The following MPRIP variants were observed in gnomAD, a reference collection of about 807,000 sequenced individuals.
MPRIP encodes the protein myosin phosphatase Rho interacting protein.
A neutral mutation model predicts 234.9 loss-of-function variants in MPRIP; 59 were observed. The ratio of observed to expected loss-of-function variants is 0.25; its 90% CI spans 0.20 to 0.31. The LOEUF is 0.31. MPRIP is among the 10% of genes least tolerant of loss of function. The probability of loss-of-function intolerance (pLI) is 1.00; values close to 1 mark genes in which losing one functional copy is unlikely to be tolerated. For missense variants in MPRIP, 2,436 were observed against 3,071.0 expected (o/e 0.79, Z 4.89); for synonymous variants, 1,144 against 1,263.9 (o/e 0.91, Z 2.01).
intron 1 of MPRIP, among the ~76,000 whole-genome samples, chr17:17,051,382 G>A (rs1007859011): frequency 6.6e-6 from 1 of 152,082 alleles, no homozygotes; most frequent in African/African-American, 2.4e-5. Flanking sequence ...TAAGAAAACG[G>A]GCTCTTCTCT....
In MPRIP at chr17:17,136,247, CCAGCAGCAGCAGCAGCAG is replaced by C. The variant is rs3833098; in HGVS notation, c.551_568del (p.Ser184_Ser189del). On this transcript the variant is annotated inframe_deletion, in exon 6 of 24. Transcript: ENST00000651222. Reference sequence around the variant, plus strand: ...CCTGGGCCTGCCAAGGTGGCTGTTACCAGCAGCAGCAGCAGCAGCAGCAGCAGCAGCAGCATCCCCAGT... The same window carrying C: ...CCTGGGCCTGCCAAGGTGGCTGTTACCAGCAGCAGCAGCAGCATCCCCAGT... 6.6e-4 allele frequency: 1,030 copies of C among 1,555,910 alleles called. 1 individual carries two copies. Among genetic ancestry groups the C allele is most frequent in the Non-Finnish European group, 8.3e-4 (947 of 1,139,434 alleles).
Position 17,167,217 on chromosome 17 carries a change from T to G in MPRIP, c.5626T>G (p.Ser1876Ala), listed in dbSNP as rs1007043499. 24 of 1,303,990 alleles carry G rather than the reference T, an allele frequency of 1.8e-5. No individual in the cohort carries two copies. Among genetic ancestry groups the G allele is most frequent in the Non-Finnish European group, 2.4e-5 (24 of 988,936 alleles). The allele number at this position is 1,303,990 out of a possible 1,614,324, so 80.8% of individuals were successfully genotyped here. ...CKESWQTREP[S>A]CSEQAQAARA... is the part of the protein sequence containing the mutation. ...GGAGTCCTGGCAAACCCGGGAGCCC[T>G]CCTGCTCAGAGCAGGCACAGGCAGC... Residue 1876 changes from serine (S) to alanine (A), a missense_variant, in exon 16 of 24, where the codon TCC (serine) becomes GCC (alanine). Coordinates refer to ENST00000651222, the MANE Select transcript of MPRIP (RefSeq NM_001364716.4). The surrounding 1 kb of genome is among the most constrained non-coding windows in gnomAD (Gnocchi z 5.9).
At chr17:17,172,583 T>C in intron 17 of MPRIP, 115 bp from the exon 18 acceptor site, 1 of 741,110 alleles carries the variant, frequency 1.3e-6, no homozygotes. Context: ...GCTGATTGAC[T>C]AAGCAAGCAT....
chr17:17,100,773 A>G (rs1422770326), intron 3 of MPRIP, among the ~76,000 whole-genome samples: 1 of 152,094 alleles, frequency 6.6e-6, no homozygotes, highest in African/African-American at 2.4e-5. Flanking sequence ...TATGGTGAGT[A>G]TGTAATAATA....
chr17:17,139,149 C>T (rs1420615700), intron 7 of MPRIP, among the ~76,000 whole-genome samples: 1 of 152,232 alleles, frequency 6.6e-6, no homozygotes, highest in Admixed American at 6.5e-5. Context: ...AGGGCCCATG[C>T]CCTGCCCTGC....
intron 1 of MPRIP, among the ~76,000 whole-genome samples, chr17:17,050,253 T>A (rs2088492813): frequency 6.8e-6 from 1 of 146,508 alleles, no homozygotes; most frequent in South Asian, 2.2e-4. Flanking sequence ...AGGCGGAGCT[T>A]GCAGTGAGCT....
At chr17:17,108,389 G>T (rs1411458988) in intron 3 of MPRIP, among the ~76,000 whole-genome samples, 1 of 152,232 alleles carries the variant, frequency 6.6e-6, no homozygotes, top group Admixed American at 6.5e-5. Context: ...ATCAAATATA[G>T]ATCAAGGTCT....
chr17:17,174,611 C>T (rs749653891), intron 19 of MPRIP, among the ~76,000 whole-genome samples: 6 of 152,104 alleles, frequency 3.9e-5, no homozygotes, highest in African/African-American at 9.7e-5. Flanking sequence ...CCAAGACGGG[C>T]GGATCACAAG....
intron 1 of MPRIP, among the ~76,000 whole-genome samples, chr17:17,061,396 G>GT (rs2143929338): frequency 6.6e-6 from 1 of 152,376 alleles, no homozygotes; most frequent in South Asian, 2.1e-4. Flanking sequence ...CCTATTTGCT[G>GT]TGAGTGTGGA....
At chr17:17,055,485 G>T (rs993270153) in intron 1 of MPRIP, among the ~76,000 whole-genome samples, 1 of 152,106 alleles carries the variant, frequency 6.6e-6, no homozygotes, top group African/African-American at 2.4e-5. Flanking sequence ...CCCTCAGCTG[G>T]CAGGCAGGTC....
intron 1 of MPRIP, among the ~76,000 whole-genome samples, chr17:17,053,349 G>C (rs1314093091): frequency 2.0e-5 from 3 of 152,102 alleles, no homozygotes; most frequent in Admixed American, 2.0e-4. Flanking sequence ...AGTACCCATG[G>C]CTTTGGGTCC....
chr17:17,125,621 G>A (rs1336155489), intron 3 of MPRIP, among the ~76,000 whole-genome samples: 1 of 152,238 alleles, frequency 6.6e-6, no homozygotes, highest in Non-Finnish European at 1.5e-5. Context: ...AGGTCGGGGT[G>A]TGGAGAGTGG....
chr17:17,179,994 A>T lies in MPRIP; in HGVS notation c.7121-9A>T, dbSNP rs1236326831. ...TAACAGGTCTGTTTGTTTTCATTAT[A>T]TACCGCAGATATAATGAAATCTAAA... On this transcript the variant is annotated splice_polypyrimidine_tract_variant and intron_variant, in intron 22 of 23. Transcript: ENST00000651222. The T allele has an allele frequency of 1.3e-6, 2 of 1,590,688 alleles. No homozygotes were observed. The highest frequency in any genetic ancestry group is 4.5e-5 in the East Asian group (2 of 44,328).
chr17:17,076,012 G>T (rs1176391314), intron 2 of MPRIP: 2 of 494,766 alleles, frequency 4.0e-6, no homozygotes, highest in Non-Finnish European at 7.1e-6. Context: ...TCTCATGTGG[G>T]TGTTGCCTGT....
intron 1 of MPRIP, among the ~76,000 whole-genome samples, chr17:17,070,541 C>T (rs1183713486): frequency 6.6e-6 from 1 of 152,170 alleles, no homozygotes; most frequent in Non-Finnish European, 1.5e-5. Context: ...TCCTTCTGCT[C>T]TTAAGCCCAC....
In MPRIP at chr17:17,166,798, G is replaced by T; in HGVS notation, c.5207G>T (p.Gly1736Val). 7.7e-7 allele frequency: 1 copy of T among 1,304,226 alleles called. No individual in the cohort carries two copies. Among genetic ancestry groups the T allele is most frequent in the Non-Finnish European group, 1.0e-6 (1 of 988,952 alleles). The allele number at this position is 1,304,226 out of a possible 1,614,324, so 80.8% of individuals were successfully genotyped here. Residue 1736 changes from glycine to valine, a missense_variant, in exon 16 of 24, where the codon GGC becomes GTC. Transcript: ENST00000651222. This position sits in a 1 kb window ranked among gnomAD's most constrained non-coding sequence, Gnocchi z 4.4. Reference protein sequence around the residue: ...QVLEALRLPAGHEDGVQLSWD... With the variant: ...QVLEALRLPAVHEDGVQLSWD... ...TTGGAAGCCCTCAGGCTTCCAGCGG[G>T]CCATGAAGATGGTGTTCAGCTGTCC...
intron 13 of MPRIP, among the ~76,000 whole-genome samples, chr17:17,158,231 C>A (rs1464686459): frequency 1.3e-5 from 2 of 152,230 alleles, no homozygotes; most frequent in Non-Finnish European, 2.9e-5. Flanking sequence ...CCCCCTCCCC[C>A]ACTCAGAACC....
At chr17:17,183,018 C>T (rs1001339193) in intron 23 of MPRIP, 1 of 152,472 alleles carries the variant, frequency 6.6e-6, no homozygotes, top group East Asian at 1.9e-4. Flanking sequence ...GAACCCTGCA[C>T]TCTGTGGGGA....
Position 17,184,885 on chromosome 17 carries a change from GA to G in MPRIP, c.7272del (p.Asp2425ThrfsTer43). On this transcript the variant is annotated frameshift_variant, in exon 24 of 24. Coordinates refer to ENST00000651222, the MANE Select transcript of MPRIP (RefSeq NM_001364716.4). LOFTEE classifies it high-confidence loss of function. ...AGCTCTTTGAATCCAGGGACTTGAA[GA>G]AAGACTAGGTGTGTCCCATCCAAGT... ...LKLFESRDLK[K>X]D is the part of the protein sequence containing the mutation. The G allele has an allele frequency of 6.2e-7, 1 of 1,611,256 alleles. No individual in the cohort carries two copies. The highest frequency in any genetic ancestry group is 8.5e-7 in the Non-Finnish European group (1 of 1,178,456).
Sources: gnomAD v4.1 joint callset for allele counts (sites outside exome capture counted in the v4.1 genomes callset) on GRCh38, gnomAD v4.1.1 for gene constraint, Gnocchi (gnomAD v3.1) non-coding constraint, MANE v1.5 for transcripts, NCBI Gene and HGNC (gene_info 2026-07-23, HGNC 2026-07-21) for gene names.